Variants in CCDC152 observed in about 807,000 individuals in gnomAD.
CCDC152 encodes the protein coiled-coil domain-containing protein 152.
In CCDC152, 37 loss-of-function variants were observed where a neutral mutation model predicts 38.1. That is an observed-to-expected ratio of 0.97 (90% CI 0.75 to 1.28). The LOEUF (loss-of-function observed/expected upper bound fraction) is 1.28, where lower values mean the gene tolerates loss of function less well. Among genes scored for constraint, CCDC152 ranks in the 50% most tolerant of loss-of-function variants. The pLI is 0.00. For synonymous variants in CCDC152, 83 were observed against 87.1 expected (o/e 0.95, Z 0.26); for missense variants, 259 against 292.1 (o/e 0.89, Z 0.83).
chr5:42,772,900 C>T (rs1327729419), intron 4 of CCDC152, among the ~76,000 whole-genome samples: 6 of 152,112 alleles, frequency 3.9e-5, no homozygotes, highest in Non-Finnish European at 4.4e-5. Context: ...TAACAGGAAA[C>T]GGTTTTTCTT....
chr5:42,767,886 CAGTT>C (rs1759647008), intron 3 of CCDC152, among the ~76,000 whole-genome samples: 4 of 152,136 alleles, frequency 2.6e-5, no homozygotes, highest in Admixed American at 2.6e-4. Flanking sequence ...TGAATTCTAT[CAGTT>C]AGCACAGTGA....
At chr5:42,763,096 A>G (rs116792599) in intron 3 of CCDC152, among the ~76,000 whole-genome samples, 3,931 of 152,272 alleles carry the variant, frequency 0.026, 188 homozygotes, top group African/African-American at 0.09. Context: ...TGATTATAGC[A>G]CTGGGGCAGG....
Position 42,785,774 on chromosome 5 carries a change from G to A in CCDC152, c.430+2198G>A, listed in dbSNP as rs1394700371. Among the ~76,000 whole-genome samples, 4 of 152,088 alleles carry A rather than the reference G, an allele frequency of 2.6e-5. No individual in the cohort carries two copies. The East Asian group carries it at 7.7e-4, about 29-fold the overall frequency. On this transcript the variant is annotated intron_variant, in intron 6 of 8. Transcript: ENST00000361970. ...TGTTGGCTGTGAGTTTGTCATGTAT[G>A]GCTCTTGTTATTTTGAGGTACGTTC...
rs1333978835 is a variant in CCDC152, at chr5:42,756,903, T to C, written c.-3+18T>C. 1.3e-5 allele frequency: 2 copies of C among 152,838 alleles called. No individual in the cohort carries two copies. Among genetic ancestry groups the C allele is most frequent in the Admixed American group, 6.5e-5 (1 of 15,286 alleles). The allele number at this position is 152,838 out of a possible 1,614,324, so 9.5% of individuals were successfully genotyped here. ...AACAGCAGGTACACTCCAAATTCTA[T>C]TGACGGTTCGAAATTCCCGCTTTCT... On this transcript the variant is annotated intron_variant, in intron 1 of 8. Transcript: ENST00000361970.
intron 1 of CCDC152, among the ~76,000 whole-genome samples, chr5:42,758,269 C>T (rs778032834): frequency 4.6e-5 from 7 of 152,142 alleles, no homozygotes; most frequent in Non-Finnish European, 5.9e-5. Flanking sequence ...TTTTGGTTAA[C>T]TTCCTTTTAA....
intron 3 of CCDC152, among the ~76,000 whole-genome samples, chr5:42,767,466 A>G (rs1759640425): frequency 6.6e-6 from 1 of 152,160 alleles, no homozygotes; most frequent in African/African-American, 2.4e-5. Flanking sequence ...TTGATTTACT[A>G]AATTATACAG....
At chr5:42,757,305 G>A (rs1049569773) in intron 1 of CCDC152, among the ~76,000 whole-genome samples, 9 of 152,146 alleles carry the variant, frequency 5.9e-5, no homozygotes, top group African/African-American at 2.2e-4. Flanking sequence ...GAAAGAGGAG[G>A]GACCAGAGCG....
At chr5:42,783,299 A>C (rs1480115942) in intron 5 of CCDC152, among the ~76,000 whole-genome samples, 175 bp from the exon 6 acceptor site, 1 of 152,082 alleles carries the variant, frequency 6.6e-6, no homozygotes, top group Non-Finnish European at 1.5e-5. Context: ...ATTATTAGAA[A>C]GGTGAAATTG....
intron 3 of CCDC152, among the ~76,000 whole-genome samples, chr5:42,764,664 G>C (rs540419414): frequency 3.7e-4 from 56 of 152,068 alleles, no homozygotes; most frequent in Non-Finnish European, 7.1e-4. Flanking sequence ...ACAGAATGAA[G>C]GCTAAAAATT....
intron 6 of CCDC152, 41 bp from the exon 7 acceptor site, chr5:42,796,788 A>T: frequency 7.8e-7 from 1 of 1,278,916 alleles, no homozygotes; most frequent in East Asian, 2.8e-5. Context: ...ATAATTTTGA[A>T]ATTTTTAACA....
At chr5:42,791,415 C>T (rs562741535) in intron 6 of CCDC152, among the ~76,000 whole-genome samples, 1 of 152,278 alleles carries the variant, frequency 6.6e-6, no homozygotes, top group East Asian at 1.9e-4. Context: ...CTATGGCAAC[C>T]TATTTTACTG....
intron 4 of CCDC152, among the ~76,000 whole-genome samples, chr5:42,775,346 A>G (rs1759757181): frequency 6.6e-6 from 1 of 152,188 alleles, no homozygotes; most frequent in Admixed American, 6.5e-5. Context: ...TTACCTATAG[A>G]GGACCAAAGA....
chr5:42,767,705 T>C (rs1003008639), intron 3 of CCDC152, among the ~76,000 whole-genome samples: 3 of 152,230 alleles, frequency 2.0e-5, no homozygotes, highest in Non-Finnish European at 4.4e-5. Flanking sequence ...CCACCTTGTG[T>C]TTAAGTTTTG....
chr5:42,796,811 T>C lies in CCDC152; in HGVS notation c.431-18T>C. The C allele has an allele frequency of 7.4e-7, 1 of 1,344,810 alleles. No individual in the cohort carries two copies. The highest frequency in any genetic ancestry group is 9.9e-7 in the Non-Finnish European group (1 of 1,009,888). The allele number at this position is 1,344,810 out of a possible 1,614,324, so 83.3% of individuals were successfully genotyped here. A position where few individuals can be genotyped will look rare whatever the true frequency, so the allele number is the denominator to read the frequency against. On this transcript the variant is annotated intron_variant, in intron 6 of 8. Transcript: ENST00000361970. ...GAAATTTTTAACAAATGAATTTTAT[T>C]TATTTCATTTTATTCAGTTGAATTA...
At chr5:42,797,918 C>T (rs1050749804) in intron 7 of CCDC152, among the ~76,000 whole-genome samples, 11 of 151,902 alleles carry the variant, frequency 7.2e-5, no homozygotes, top group East Asian at 1.9e-4. Context: ...CAGGCCGAGG[C>T]GAGCGGATCA....
At chr5:42,786,210 T>C (rs1759919610) in intron 6 of CCDC152, among the ~76,000 whole-genome samples, 1 of 152,154 alleles carries the variant, frequency 6.6e-6, no homozygotes, top group South Asian at 2.1e-4. Context: ...TTTGTACATC[T>C]GGTAGAATTT....
chr5:42,771,179 T>A (rs953327347), intron 4 of CCDC152, among the ~76,000 whole-genome samples: 1 of 152,138 alleles, frequency 6.6e-6, no homozygotes, highest in African/African-American at 2.4e-5. Context: ...GAACAATCAT[T>A]GAGTCAAAGA....
chr5:42,777,549 T>C (rs762382647), intron 4 of CCDC152, among the ~76,000 whole-genome samples: 4 of 151,978 alleles, frequency 2.6e-5, no homozygotes, highest in Non-Finnish European at 5.9e-5. Context: ...TGATAGCCTA[T>C]GTGAAATGGA....
chr5:42,760,077 G>A (rs1759529836), intron 2 of CCDC152, among the ~76,000 whole-genome samples: 1 of 151,916 alleles, frequency 6.6e-6, no homozygotes, highest in Non-Finnish European at 1.5e-5. Flanking sequence ...TGCCGAGGCG[G>A]GCGGATCACG....
Sources: allele counts gnomAD v4.1 joint callset (sites outside exome capture counted in the v4.1 genomes callset), GRCh38; gene constraint gnomAD v4.1.1; transcripts MANE v1.5; gene names NCBI Gene and HGNC (gene_info 2026-07-23, HGNC 2026-07-21).